PACRG: variants seen among roughly 807,000 people sequenced by gnomAD.
PACRG encodes the protein parkin coregulated, also known as parkin coregulated gene protein.
A neutral mutation model predicts 29.7 loss-of-function variants in PACRG; 29 were observed. The observed-to-expected ratio is 0.98, with a 90% CI of 0.73 to 1.33. The LOEUF (loss-of-function observed/expected upper bound fraction) is 1.33, where lower values mean the gene tolerates loss of function less well. Among genes scored for constraint, PACRG ranks in the 40% most tolerant of loss-of-function variants. The pLI, the probability that PACRG is intolerant of heterozygous loss-of-function variation, is 0.00. For synonymous variants in PACRG, 116 were observed against 118.7 expected (o/e 0.98, Z 0.15); for missense variants, 279 against 316.2 (o/e 0.88, Z 0.89).
At chr6:163,286,424 A>G (rs908765373) in intron 4 of PACRG, among the ~76,000 whole-genome samples, 7 of 152,262 alleles carry the variant, frequency 4.6e-5, no homozygotes, top group Non-Finnish European at 1.0e-4. Flanking sequence ...GCAGAAACAA[A>G]GATGAAATTT....
At chr6:162,887,495 G>A (rs1032404494) in intron 2 of PACRG, among the ~76,000 whole-genome samples, 4 of 152,120 alleles carry the variant, frequency 2.6e-5, no homozygotes, top group South Asian at 2.1e-4. Flanking sequence ...TTTTGGTATC[G>A]TATTGCATGT....
At chr6:163,165,633 C>G (rs1286842266) in intron 4 of PACRG, 1 of 184,290 alleles carries the variant, frequency 5.4e-6, no homozygotes, top group African/African-American at 2.4e-5. Flanking sequence ...GCACAGCGCA[C>G]TAGGGTAACC....
rs548474869 is a variant in PACRG at position 162,903,218 on chromosome 6, G to T, written c.291+88937G>T. ...GAATCAGACCCACCCCCGACCATCTGACTGTGCAGGTGAGAACTGTCACTT... is the reference window on the plus strand; with the variant it reads ...GAATCAGACCCACCCCCGACCATCTTACTGTGCAGGTGAGAACTGTCACTT... On this transcript the variant is annotated intron_variant, in intron 2 of 4. Coordinates refer to ENST00000366888, the MANE Select transcript of PACRG (RefSeq NM_001080379.2). Among the ~76,000 whole-genome samples the T allele has an allele frequency of 2.7e-3, 417 of 152,256 alleles. 1 individual carries two copies. Among genetic ancestry groups the T allele is most frequent in the Non-Finnish European group, 5.0e-3 (337 of 68,024 alleles).
chr6:163,053,803 A>C (rs796570581), intron 2 of PACRG: 8 of 152,298 alleles, frequency 5.3e-5, no homozygotes, highest in African/African-American at 1.9e-4. Flanking sequence ...CCTCTATCCT[A>C]GGCACAGCCA....
At chr6:162,815,958 TA>T (rs1371148879) in intron 2 of PACRG, among the ~76,000 whole-genome samples, 2 of 152,138 alleles carry the variant, frequency 1.3e-5, no homozygotes, top group East Asian at 3.9e-4. Flanking sequence ...GAAAATAAAT[TA>T]TATAGATTTA....
At chr6:163,255,320 G>T (rs1441530077) in intron 4 of PACRG, among the ~76,000 whole-genome samples, 1 of 152,166 alleles carries the variant, frequency 6.6e-6, no homozygotes, top group Non-Finnish European at 1.5e-5. Context: ...GGTGTCAAAG[G>T]GTACTGCAAG....
At chr6:162,881,164 C>T (rs962846298) in intron 2 of PACRG, among the ~76,000 whole-genome samples, 2 of 152,136 alleles carry the variant, frequency 1.3e-5, no homozygotes, top group Non-Finnish European at 1.5e-5. Flanking sequence ...TTGGATTTTG[C>T]CTATTGGAAG....
chr6:162,972,149 A>C (rs1298988564), intron 2 of PACRG, among the ~76,000 whole-genome samples: 2 of 152,208 alleles, frequency 1.3e-5, no homozygotes, highest in East Asian at 3.9e-4. Context: ...GGCGAGTCTC[A>C]AATCTTCAAG....
chr6:162,893,418 G>A (rs576894458), intron 2 of PACRG, among the ~76,000 whole-genome samples: 6 of 152,256 alleles, frequency 3.9e-5, no homozygotes, highest in African/African-American at 9.6e-5. Context: ...AACTGGAAAC[G>A]GTGCGTTTTA....
intron 2 of PACRG, among the ~76,000 whole-genome samples, chr6:162,823,516 C>CT (rs545819014): frequency 0.033 from 4,748 of 142,754 alleles, 164 homozygotes; most frequent in African/African-American, 0.089. Flanking sequence ...CTTTTCTCTT[C>CT]TTTTTTTTTT....
chr6:162,778,791 C>A (rs1280042746), intron 1 of PACRG, among the ~76,000 whole-genome samples: 1 of 152,248 alleles, frequency 6.6e-6, no homozygotes, highest in South Asian at 2.1e-4. Flanking sequence ...CCTGAACCCT[C>A]CAGCAAGCCT....
At chr6:162,997,866 T>G (rs944964564) in intron 2 of PACRG, among the ~76,000 whole-genome samples, 2 of 152,242 alleles carry the variant, frequency 1.3e-5, no homozygotes, top group Admixed American at 1.3e-4. Context: ...GTTGTTTATC[T>G]TTTTCTTATT....
chr6:162,915,678 G>T (rs61681415), intron 2 of PACRG, among the ~76,000 whole-genome samples: 69 of 152,054 alleles, frequency 4.5e-4, no homozygotes, highest in African/African-American at 1.3e-3. Context: ...GTATCTCTTA[G>T]CTATCAGCTA....
intron 1 of PACRG, among the ~76,000 whole-genome samples, chr6:162,786,747 T>A (rs1784496107): frequency 6.7e-6 from 1 of 150,202 alleles, no homozygotes; most frequent in Non-Finnish European, 1.5e-5. Flanking sequence ...AGTAATACAA[T>A]TTTTATTATG....
intron 4 of PACRG, among the ~76,000 whole-genome samples, chr6:163,239,367 A>G (rs903556193): frequency 6.6e-6 from 1 of 152,098 alleles, no homozygotes; most frequent in African/African-American, 2.4e-5. Flanking sequence ...TTATCATAAT[A>G]TTCTTAAGAT....
intron 1 of PACRG, among the ~76,000 whole-genome samples, chr6:162,797,299 A>C (rs763904967): frequency 3.2e-4 from 48 of 152,078 alleles, no homozygotes; most frequent in Non-Finnish European, 2.5e-4. Flanking sequence ...AAACAACAAC[A>C]ACAGAAAAAA....
intron 4 of PACRG, among the ~76,000 whole-genome samples, chr6:163,262,575 T>G (rs1452944241): frequency 6.6e-6 from 1 of 152,026 alleles, no homozygotes; most frequent in African/African-American, 2.4e-5. Context: ...CATGTGCTTG[T>G]GAGAATGATT....
intron 4 of PACRG, among the ~76,000 whole-genome samples, chr6:163,167,908 G>C (rs966107702): frequency 3.3e-5 from 5 of 152,190 alleles, no homozygotes; most frequent in African/African-American, 1.2e-4. Context: ...GTGAACTGCT[G>C]TCACTAATCA....
Position 162,999,192 on chromosome 6 carries a change from TAAGAGGATATC to T in PACRG, c.292-62952_292-62942del, listed in dbSNP as rs566741328. On this transcript the variant is annotated intron_variant, in intron 2 of 4. Transcript: ENST00000366888. ...AATTATGGGCAGAAATAAACATAAA[TAAGAGGATATC>T]AAGAGATTGCTGGAAGCCCCATTCT... Among the ~76,000 whole-genome samples, 928 of 152,264 alleles carry T rather than the reference TAAGAGGATATC, an allele frequency of 6.1e-3. 4 individuals carry two copies. The highest frequency in any genetic ancestry group is 0.015 in the African/African-American group (639 of 41,564).
Sources: gnomAD v4.1 joint callset for allele counts (sites outside exome capture counted in the v4.1 genomes callset) on GRCh38, gnomAD v4.1.1 for gene constraint, MANE v1.5 for transcripts, NCBI Gene and HGNC (gene_info 2026-07-23, HGNC 2026-07-21) for gene names.